Variants in BBS2 observed in about 807,000 individuals in gnomAD.
BBS2 encodes Bardet-Biedl syndrome 2.
In BBS2, 62 loss-of-function variants were observed where a neutral mutation model predicts 83.0. The ratio of observed to expected loss-of-function variants is 0.75; its 90% CI spans 0.61 to 0.92. The LOEUF (loss-of-function observed/expected upper bound fraction) is 0.92, where lower values mean the gene tolerates loss of function less well. Ranked by LOEUF, BBS2 falls within the 40% of genes least tolerant of loss-of-function variation. The pLI is 0.00. For missense variants in BBS2, 784 were observed against 901.0 expected (o/e 0.87, Z 1.66); for synonymous variants, 303 against 326.1 (o/e 0.93, Z 0.76).
exon 18 of BBS2, chr16:56,470,474 T>G (rs368111435): frequency 1.9e-6 from 3 of 1,589,454 alleles, no homozygotes; most frequent in Non-Finnish European, 1.7e-6. Flanking sequence ...AACTTGACAT[T>G]GCTGTTTTTC....
At chr16:56,481,673 G>C (rs1476496648), downstream of BBS2, among the ~76,000 whole-genome samples, 1 of 152,188 alleles carries the variant, frequency 6.6e-6, no homozygotes, top group Non-Finnish European at 1.5e-5. Flanking sequence ...TATCAGGATA[G>C]AAACATATGG....
At chr16:56,511,655 C>T (rs1371324053) in intron 2 of BBS2, among the ~76,000 whole-genome samples, 1 of 152,178 alleles carries the variant, frequency 6.6e-6, no homozygotes, top group Non-Finnish European at 1.5e-5. Flanking sequence ...ACTTGCCAGG[C>T]TCCACAACTG....
chr16:56,485,134 A>G (rs1473090201), intron 16 of BBS2, among the ~76,000 whole-genome samples: 1 of 152,196 alleles, frequency 6.6e-6, no homozygotes, highest in African/African-American at 2.4e-5. Context: ...ATTTCTAAAG[A>G]AGTCAAAGCA....
chr16:56,475,005 T>C (rs970845265), intron 17 of BBS2: 1 of 1,582,340 alleles, frequency 6.3e-7, no homozygotes, highest in African/African-American at 1.3e-5. Flanking sequence ...GGCAGTCTCT[T>C]CTGAGGGACC....
In BBS2 at chr16:56,506,076, A is replaced by G. The variant is rs369843637; in HGVS notation, c.718-40T>C. On this transcript the variant is annotated intron_variant, in intron 6 of 16. Coordinates refer to ENST00000245157, the MANE Select transcript of BBS2 (RefSeq NM_031885.5). Reference sequence around the variant, plus strand: ...TAATAATTAGCACAGAAGTCTCACAATAACTATCAAGCGCCTGAATATCAA... The same window carrying G: ...TAATAATTAGCACAGAAGTCTCACAGTAACTATCAAGCGCCTGAATATCAA... 4 of 1,610,178 alleles carry G rather than the reference A, an allele frequency of 2.5e-6. No individual in the cohort carries two copies. In the African/African-American group the frequency reaches 4.0e-5, roughly 16 times the overall value.
chr16:56,504,441 A>G (rs1445103309), intron 7 of BBS2, among the ~76,000 whole-genome samples: 1 of 152,240 alleles, frequency 6.6e-6, no homozygotes, highest in Non-Finnish European at 1.5e-5. Flanking sequence ...CCTGAAAGGA[A>G]AGGATGGCCC....
Position 56,497,523 on chromosome 16 carries a change from C to CA in BBS2, c.1797+219_1797+220insT, listed in dbSNP as rs1457255408. The CA allele has an allele frequency of 9.9e-6, 6 of 608,246 alleles. No individual in the cohort carries two copies. The African/African-American group carries it at 1.1e-4, about 11-fold the overall frequency. 37.7% of individuals were successfully genotyped at this position (608,246 alleles called of 1,614,324 possible). ...TAATATTTAAATGCATCACTTTAAA[C>CA]CAAACAAAGCAAGCATGGTGCTCAG... On this transcript the variant is annotated intron_variant, in intron 14 of 16. Coordinates refer to ENST00000245157, the MANE Select transcript of BBS2 (RefSeq NM_031885.5).
chr16:56,497,997 C>T (rs952167480), intron 13 of BBS2, 117 bp from the exon 14 acceptor site: 29 of 1,065,576 alleles, frequency 2.7e-5, no homozygotes, highest in Middle Eastern at 2.9e-4. Context: ...TATATATATG[C>T]AGTGTTGAAA....
At chr16:56,476,075 T>C (rs1171366905) in intron 17 of BBS2, 1 of 1,613,392 alleles carries the variant, frequency 6.2e-7, no homozygotes, top group African/African-American at 1.3e-5. Flanking sequence ...AGCAATTCTT[T>C]GGCATTGGTC....
In BBS2 at chr16:56,502,405, G is replaced by A; in HGVS notation, c.992C>T (p.Thr331Ile). 6.2e-7 allele frequency: 1 copy of A among 1,614,166 alleles called. No individual in the cohort carries two copies. Among genetic ancestry groups the A allele is most frequent in the Non-Finnish European group, 8.5e-7 (1 of 1,180,030 alleles). Residue 331 changes from threonine (T) to isoleucine (I), a missense_variant, in exon 9 of 17, where the codon ACC becomes ATC. Transcript: ENST00000245157. Reference protein sequence around the residue: ...TAEMRGNLMDTSAEQDLIREL... With the variant: ...TAEMRGNLMDISAEQDLIREL... Reference sequence around the variant, plus strand: ...TCGGATCAGGTCCTGCTCTGCACTGGTGTCCATGAGGTTGCCCCTCATCTC... The same window carrying A: ...TCGGATCAGGTCCTGCTCTGCACTGATGTCCATGAGGTTGCCCCTCATCTC...
Position 56,511,210 on chromosome 16 carries a change from G to T in BBS2, c.420C>A (p.Gly140=). 1.2e-6 allele frequency: 2 copies of T among 1,614,064 alleles called. No homozygotes were observed. Among genetic ancestry groups the T allele is most frequent in the South Asian group, 1.1e-5 (1 of 91,070 alleles). ...DISSPLAIIG[G]NCALQGFNHE... is the part of the protein sequence containing the mutation. ...GATTGAAACCTTGCAGAGCACAATT[G>T]CCACCAATAATCGCAAGAGGGGAAG... The change falls in exon 3 of 17, where the codon GGC becomes GGA. Residue 140 remains glycine (G), a synonymous_variant. Transcript: ENST00000245157.
chr16:56,482,057 G>A (rs1315694454), downstream of BBS2, among the ~76,000 whole-genome samples: 1 of 152,134 alleles, frequency 6.6e-6, no homozygotes, highest in Non-Finnish European at 1.5e-5. Context: ...TTCTAGCCTG[G>A]CCATGAGTAT....
chr16:56,472,312 G>A (rs1167586027), intron 17 of BBS2, among the ~76,000 whole-genome samples: 4 of 151,980 alleles, frequency 2.6e-5, no homozygotes, highest in Non-Finnish European at 2.9e-5. Flanking sequence ...TCATTTTTAC[G>A]GGAACCTGCA....
downstream of BBS2, among the ~76,000 whole-genome samples, chr16:56,479,842 G>A (rs1457487366): frequency 4.6e-5 from 7 of 152,216 alleles, no homozygotes; most frequent in Non-Finnish European, 8.8e-5. Flanking sequence ...AGTTTCAGCA[G>A]AATGCCCACA....
At chr16:56,483,121 C>A (rs573827588), downstream of BBS2, among the ~76,000 whole-genome samples, 3 of 152,222 alleles carry the variant, frequency 2.0e-5, no homozygotes, top group South Asian at 6.2e-4. Context: ...TACAGTATAG[C>A]CTGTTGTTCC....
intron 17 of BBS2, among the ~76,000 whole-genome samples, chr16:56,472,847 T>G (rs2144045313): frequency 6.6e-6 from 1 of 152,318 alleles, no homozygotes; most frequent in African/African-American, 2.4e-5. Flanking sequence ...TCCTTTTACA[T>G]CCTTTATAAC....
chr16:56,493,579 C>A (rs1555521030), intron 15 of BBS2, among the ~76,000 whole-genome samples: 1 of 151,944 alleles, frequency 6.6e-6, no homozygotes, highest in Non-Finnish European at 1.5e-5. Context: ...GAAAGTTAGA[C>A]TTTTCCGTGC....
chr16:56,485,604 G>T lies in BBS2; in HGVS notation c.2045C>A (p.Ala682Glu). 1 of 1,614,110 alleles carries T rather than the reference G, an allele frequency of 6.2e-7. No homozygotes were observed. Among genetic ancestry groups the T allele is most frequent in the Non-Finnish European group, 8.5e-7 (1 of 1,180,002 alleles). The change falls in exon 16 of 17, where the codon GCA becomes GAA. Residue 682 changes from alanine to glutamate, a missense_variant. Physicochemically the swap from Ala to Glu is moderately radical, Grantham distance 107. Coordinates refer to ENST00000245157, the MANE Select transcript of BBS2 (RefSeq NM_031885.5). The part of the protein sequence containing the change: ...LKAVNQAIQR[A>E]GRLRVGKPKN... ...AAGAGACTTACCCCGCAGACGACCT[G>T]CTCTTTGAATTGCTTGATTTACTGC...
chr16:56,511,334 C>T, intron 2 of BBS2, 50 bp from the exon 3 acceptor site: 1 of 1,609,618 alleles, frequency 6.2e-7, no homozygotes. Flanking sequence ...ATATGCAGGC[C>T]CACATATTAA....
Sources: allele counts gnomAD v4.1 joint callset (sites outside exome capture counted in the v4.1 genomes callset), GRCh38; gene constraint gnomAD v4.1.1; transcripts MANE v1.5; gene names NCBI Gene and HGNC (gene_info 2026-07-23, HGNC 2026-07-21).